Variants in C9orf153 observed in about 807,000 individuals in gnomAD.
C9orf153 encodes the protein chromosome 9 open reading frame 153, also known as uncharacterized protein C9orf153.
A neutral mutation model predicts 9.0 loss-of-function variants in C9orf153; 10 were observed. That is an observed-to-expected ratio of 1.11 (90% CI 0.69 to 1.89). The LOEUF (loss-of-function observed/expected upper bound fraction) is 1.89. C9orf153 is among the 40% of genes most tolerant of loss of function. C9orf153 has a pLI of 0.00. For missense variants in C9orf153, 108 were observed against 111.0 expected, an observed-to-expected ratio of 0.97 and a Z score of 0.12; for synonymous variants, 35 against 37.3, an observed-to-expected ratio of 0.94 and a Z score of 0.23.
intron 3 of C9orf153, among the ~76,000 whole-genome samples, chr9:86,224,360 C>G (rs1824270624): frequency 6.6e-6 from 1 of 151,190 alleles, no homozygotes; most frequent in Non-Finnish European, 1.5e-5. Context: ...GCACTCCAAC[C>G]TGGGTGACAG....
intron 1 of C9orf153, among the ~76,000 whole-genome samples, chr9:86,236,721 T>A (rs1369559709): frequency 2.0e-5 from 3 of 151,874 alleles, no homozygotes; most frequent in African/African-American, 7.2e-5. Context: ...AAGTGAAAAG[T>A]ATTAGAGAAG....
chr9:86,227,590 CT>C, intron 3 of C9orf153: 1 of 985,338 alleles, frequency 1.0e-6, no homozygotes, highest in Non-Finnish European at 1.2e-6. Context: ...CAGAAATGAA[CT>C]TTTCTGGGGT....
At chr9:86,236,675 T>A (rs1824601051) in intron 1 of C9orf153, among the ~76,000 whole-genome samples, 1 of 151,968 alleles carries the variant, frequency 6.6e-6, no homozygotes, top group Non-Finnish European at 1.5e-5. Flanking sequence ...GAGAGAAGGA[T>A]AATCATGTAG....
At chr9:86,235,867 C>A (rs1001454683) in intron 1 of C9orf153, among the ~76,000 whole-genome samples, 8 of 149,914 alleles carry the variant, frequency 5.3e-5, no homozygotes, top group African/African-American at 2.0e-4. Flanking sequence ...AATGAGAATA[C>A]CAGCAGAAGA....
rs10114033 is a variant in C9orf153 at position 86,238,379 on chromosome 9, C to T, written c.-26-8750G>A. On this transcript the variant is annotated intron_variant, in intron 1 of 3. Coordinates refer to ENST00000339137, the MANE Select transcript of C9orf153 (RefSeq NM_001276366.4). The stretch of plus-strand genomic sequence containing the variant: ...TCCACATGGGACATTCACCAGACTC[C>T]GGGCCATAAAACACACATGAATTAA... 5.9e-3 allele frequency among the ~76,000 whole-genome samples: 891 copies of T among 152,232 alleles called. 7 individuals are homozygous for T. Among genetic ancestry groups the T allele is most frequent in the African/African-American group, 0.02 (821 of 41,540 alleles).
chr9:86,250,701 A>G (rs1419699963), intron 1 of C9orf153, among the ~76,000 whole-genome samples: 3 of 132,210 alleles, frequency 2.3e-5, no homozygotes, highest in African/African-American at 6.6e-5. Flanking sequence ...GTTTTGTCCT[A>G]GAAGGTAATT....
chr9:86,257,027 G>C (rs1825135672), intron 1 of C9orf153, among the ~76,000 whole-genome samples: 1 of 152,140 alleles, frequency 6.6e-6, no homozygotes. Context: ...GAAGCTTACG[G>C]TATTTTAATG....
At chr9:86,246,808 C>G (rs1297558054) in intron 1 of C9orf153, among the ~76,000 whole-genome samples, 1 of 152,208 alleles carries the variant, frequency 6.6e-6, no homozygotes, top group African/African-American at 2.4e-5. Flanking sequence ...ACCCCACTCT[C>G]AGTTCTGTGG....
Position 86,237,828 on chromosome 9 carries a change from C to A in C9orf153, c.-26-8199G>T, listed in dbSNP as rs12056951. ...GCATGGTGGCTCATGCCTGTAATCCCAGTACTTTAGGAGGCTGAGGTGGGC... is the reference window on the plus strand; with the variant it reads ...GCATGGTGGCTCATGCCTGTAATCCAAGTACTTTAGGAGGCTGAGGTGGGC... On this transcript the variant is annotated intron_variant, in intron 1 of 3. Transcript: ENST00000339137. 1.4e-4 allele frequency among the ~76,000 whole-genome samples: 21 copies of A among 152,236 alleles called. No homozygotes were observed. The East Asian group carries it at 3.5e-3, about 25-fold the overall frequency.
chr9:86,221,841 T>G, intron 3 of C9orf153, 108 bp from the exon 4 acceptor site: 1 of 594,986 alleles, frequency 1.7e-6, no homozygotes, highest in Non-Finnish European at 2.9e-6. Flanking sequence ...TCGAGTCCCC[T>G]CTTTCTGGCA....
intron 2 of C9orf153, among the ~76,000 whole-genome samples, chr9:86,228,515 C>T (rs143503647): frequency 4.6e-4 from 70 of 152,194 alleles, no homozygotes; most frequent in African/African-American, 1.6e-3. Context: ...GCTGAGGAGG[C>T]GACAATAGTC....
intron 1 of C9orf153, 33 bp from the exon 2 acceptor site, chr9:86,229,662 CA>C: frequency 2.3e-6 from 3 of 1,291,142 alleles, no homozygotes; most frequent in Non-Finnish European, 2.2e-6. Context: ...AGACAAAAAT[CA>C]AAGATTAAAA....
chr9:86,224,750 A>G (rs1587794886), intron 3 of C9orf153, among the ~76,000 whole-genome samples: 3 of 136,298 alleles, frequency 2.2e-5, no homozygotes, highest in Non-Finnish European at 3.1e-5. Context: ...ATACGGTAAA[A>G]CCCCGTCTCT....
intron 1 of C9orf153, among the ~76,000 whole-genome samples, chr9:86,242,538 GT>G (rs1824772576): frequency 6.6e-6 from 1 of 152,118 alleles, no homozygotes; most frequent in Non-Finnish European, 1.5e-5. Context: ...TGCTGAATAT[GT>G]ACTAACAGTA....
At chr9:86,251,998 T>C (rs2131206147) in intron 1 of C9orf153, among the ~76,000 whole-genome samples, 1 of 149,556 alleles carries the variant, frequency 6.7e-6, no homozygotes, top group Non-Finnish European at 1.5e-5. Flanking sequence ...TCTTAGATTC[T>C]GTTGGTCTCA....
chr9:86,243,362 A>G (rs1824790298), intron 1 of C9orf153, among the ~76,000 whole-genome samples: 1 of 152,178 alleles, frequency 6.6e-6, no homozygotes, highest in Non-Finnish European at 1.5e-5. Flanking sequence ...TTTCACTACA[A>G]CAGAAACAAC....
chr9:86,220,996 T>C lies in C9orf153; in HGVS notation c.*692A>G, dbSNP rs1477143066. On this transcript the variant is annotated 3_prime_UTR_variant, in exon 4 of 4. Transcript: ENST00000339137. ...TTATTATTATAATTTTCAATGACTATATCTTTCATTTCCAAGATTTCCAAT... is the reference window on the plus strand; with the variant it reads ...TTATTATTATAATTTTCAATGACTACATCTTTCATTTCCAAGATTTCCAAT... The C allele has an allele frequency of 6.6e-6, 1 of 152,210 alleles. No individual in the cohort carries two copies. Among genetic ancestry groups the C allele is most frequent in the African/African-American group, 2.4e-5 (1 of 41,452 alleles). The allele number at this position is 152,210 out of a possible 1,614,324, so 9.4% of individuals were successfully genotyped here.
At chr9:86,252,997 T>G (rs1290180964) in intron 1 of C9orf153, among the ~76,000 whole-genome samples, 3 of 152,006 alleles carry the variant, frequency 2.0e-5, no homozygotes, top group African/African-American at 7.2e-5. Flanking sequence ...AAGAAAACTT[T>G]TTTTTTTTAA....
chr9:86,259,582 A>G lies in C9orf153; in HGVS notation c.-59T>C, dbSNP rs55773271. ...TTTACAGTTGTCTCTTCACGTGGTC[A>G]TATCTGTCTTGAGTCTCTGCACTCC... On this transcript the variant is annotated 5_prime_UTR_variant, in exon 1 of 4. It removes an upstream start codon present in the reference 5' UTR. Coordinates refer to ENST00000339137, the MANE Select transcript of C9orf153 (RefSeq NM_001276366.4). The G allele has an allele frequency of 0.44, 67,252 of 151,592 alleles. 15,054 individuals are homozygous for G. The highest frequency in any genetic ancestry group is 0.59 in the Middle Eastern group (174 of 294). The allele number at this position is 151,592 out of a possible 1,614,324, so 9.4% of individuals were successfully genotyped here. A position where few individuals can be genotyped will look rare whatever the true frequency, so the allele number is the denominator to read the frequency against.
Sources: gnomAD v4.1 joint callset for allele counts (sites outside exome capture counted in the v4.1 genomes callset) on GRCh38, gnomAD v4.1.1 for gene constraint, MANE v1.5 for transcripts, NCBI Gene and HGNC (gene_info 2026-07-23, HGNC 2026-07-21) for gene names.